The following FILIP1 variants were observed in gnomAD, a reference collection of about 807,000 sequenced individuals.
FILIP1 encodes the protein filamin-A-interacting protein 1.
A neutral mutation model predicts 102.1 loss-of-function variants in FILIP1; 61 were observed. The observed-to-expected ratio is 0.60, with a 90% confidence interval of 0.49 to 0.74. FILIP1 has a LOEUF of 0.74. Among genes scored for constraint, FILIP1 ranks in the 30% least tolerant of loss-of-function variants. The probability of loss-of-function intolerance (pLI) is 0.00; values close to 1 mark genes in which losing one functional copy is unlikely to be tolerated. For synonymous variants in FILIP1, 491 were observed against 526.9 expected, an observed-to-expected ratio of 0.93 and a Z score of 0.93; for missense variants, 1,314 against 1,441.2, an observed-to-expected ratio of 0.91 and a Z score of 1.43.
At chr6:75,292,493 T>C (rs999585608) in exon 7 of FILIP1, 3 of 152,370 alleles carry the variant, frequency 2.0e-5, no homozygotes, top group South Asian at 2.1e-4. Flanking sequence ...CACATTAGTA[T>C]GGAATAAATG....
chr6:75,363,195 T>TG (rs1775225702), intron 2 of FILIP1, among the ~76,000 whole-genome samples: 1 of 149,828 alleles, frequency 6.7e-6, no homozygotes, highest in Non-Finnish European at 1.5e-5. Flanking sequence ...TAATTTGGGA[T>TG]GGGGTGGGGG....
intron 2 of FILIP1, among the ~76,000 whole-genome samples, chr6:75,380,301 C>T (rs1775870559): frequency 6.6e-6 from 1 of 151,458 alleles, no homozygotes; most frequent in Non-Finnish European, 1.5e-5. Flanking sequence ...GTGAGAAGAA[C>T]CCTAAAGCTC....
intron 1 of FILIP1, among the ~76,000 whole-genome samples, chr6:75,467,687 A>G (rs1305460988): frequency 1.3e-5 from 2 of 152,218 alleles, no homozygotes; most frequent in African/African-American, 4.8e-5. Context: ...GAATTTTTTA[A>G]TGCATATAGC....
At chr6:75,474,521 T>C (rs1352925851) in intron 1 of FILIP1, among the ~76,000 whole-genome samples, 1 of 152,140 alleles carries the variant, frequency 6.6e-6, no homozygotes, top group Non-Finnish European at 1.5e-5. Context: ...TGAAGAACAG[T>C]CAGTGTATGC....
intron 1 of FILIP1, chr6:75,458,799 G>A (rs1279876950): frequency 2.6e-5 from 4 of 151,962 alleles, no homozygotes; most frequent in Non-Finnish European, 5.9e-5. Flanking sequence ...GAGCTACAAA[G>A]ATAAATTGTT....
chr6:75,449,387 C>CCCAGTGT (rs1778547727), intron 1 of FILIP1, among the ~76,000 whole-genome samples: 1 of 152,010 alleles, frequency 6.6e-6, no homozygotes, highest in Non-Finnish European at 1.5e-5. Flanking sequence ...GTACACTGCT[C>CCCAGTGT]GGGTGATGGG....
chr6:75,485,611 G>A (rs567506662), intron 1 of FILIP1, among the ~76,000 whole-genome samples: 13 of 152,192 alleles, frequency 8.5e-5, no homozygotes, highest in African/African-American at 3.1e-4. Flanking sequence ...TATTAGAATC[G>A]CTCTCCTTTT....
intron 2 of FILIP1, among the ~76,000 whole-genome samples, chr6:75,372,679 AAGAAAGAGAAAGAAAG>A (rs1328435399): frequency 3.6e-4 from 21 of 58,984 alleles, no homozygotes; most frequent in Middle Eastern, 9.1e-3. Context: ...GAAAGAAAGA[AAGAAAGAGAAAGAAAG>A]AGAAAGAAAG....
chr6:75,349,460 A>C (rs540688617), intron 4 of FILIP1, among the ~76,000 whole-genome samples: 1 of 151,696 alleles, frequency 6.6e-6, no homozygotes, highest in Non-Finnish European at 1.5e-5. Flanking sequence ...TAAGGAGAAA[A>C]CCACTCAGGC....
chr6:75,362,476 T>C (rs1775199791), intron 3 of FILIP1, among the ~76,000 whole-genome samples: 1 of 152,210 alleles, frequency 6.6e-6, no homozygotes, highest in Admixed American at 6.5e-5. Context: ...AGTAAAAGAA[T>C]AATATACTGC....
intron 4 of FILIP1, among the ~76,000 whole-genome samples, chr6:75,328,209 T>C (rs1462655720): frequency 6.6e-6 from 1 of 152,210 alleles, no homozygotes; most frequent in Non-Finnish European, 1.5e-5. Flanking sequence ...AAAAATTATA[T>C]TGTTGAGAAA....
In FILIP1 at chr6:75,362,735, T is replaced by C. The variant is rs1290849651; in HGVS notation, c.450+9A>G. 1 of 1,611,706 alleles carries C rather than the reference T, an allele frequency of 6.2e-7. No homozygotes were observed. The highest frequency in any genetic ancestry group is 1.1e-5 in the South Asian group (1 of 91,048). On this transcript the variant is annotated intron_variant, in intron 3 of 5. Coordinates refer to ENST00000237172, the MANE Select transcript of FILIP1 (RefSeq NM_015687.5). ...CCATCCAGGGGACTTGTTGGTGTCATATTTTTACCTCTGAAATCGGTTTCT... is the reference window on the plus strand; with the variant it reads ...CCATCCAGGGGACTTGTTGGTGTCACATTTTTACCTCTGAAATCGGTTTCT...
intron 4 of FILIP1, among the ~76,000 whole-genome samples, chr6:75,336,968 C>T (rs1774263055): frequency 6.6e-6 from 1 of 152,176 alleles, no homozygotes; most frequent in South Asian, 2.1e-4. Context: ...CTATTAGCTT[C>T]TGAAGGGCAG....
intron 1 of FILIP1, among the ~76,000 whole-genome samples, chr6:75,417,547 C>CA (rs1250335598): frequency 3.3e-5 from 5 of 152,240 alleles, no homozygotes; most frequent in African/African-American, 1.2e-4. Context: ...TTGCATGTGT[C>CA]ACATTTAGTG....
intron 5 of FILIP1, 81 bp downstream of exon 5, chr6:75,312,316 T>C (rs1237600972): frequency 2.8e-6 from 4 of 1,407,520 alleles, no homozygotes; most frequent in South Asian, 1.4e-5. Context: ...GTGGCTGGGT[T>C]TTACTGTGGG....
At chr6:75,487,610 G>A (rs1047078133) in intron 1 of FILIP1, among the ~76,000 whole-genome samples, 2 of 151,290 alleles carry the variant, frequency 1.3e-5, no homozygotes, top group Non-Finnish European at 1.5e-5. Context: ...ATAAACAAGG[G>A]CAAGTTGGCA....
intron 2 of FILIP1, among the ~76,000 whole-genome samples, chr6:75,394,858 CA>C (rs1776407987): frequency 6.6e-6 from 1 of 152,084 alleles, no homozygotes; most frequent in East Asian, 1.9e-4. Context: ...AAATCTATCG[CA>C]AATTTATATA....
At chr6:75,477,019 C>T (rs1779493171) in intron 1 of FILIP1, among the ~76,000 whole-genome samples, 1 of 152,130 alleles carries the variant, frequency 6.6e-6, no homozygotes, top group African/African-American at 2.4e-5. Context: ...ATTGATAATA[C>T]ATATTGAGTT....
At chr6:75,372,728 G>GAAAGAA (rs58451662) in intron 2 of FILIP1, among the ~76,000 whole-genome samples, 5 of 61,424 alleles carry the variant, frequency 8.1e-5, no homozygotes, top group African/African-American at 1.8e-4. Flanking sequence ...GAAAGAGAAA[G>GAAAGAA]AGAAAGAAAG....
Sources: allele counts gnomAD v4.1 joint callset (sites outside exome capture counted in the v4.1 genomes callset), GRCh38; gene constraint gnomAD v4.1.1; transcripts MANE v1.5; gene names NCBI Gene and HGNC (gene_info 2026-07-23, HGNC 2026-07-21).